Variants in CEP112 observed in about 807,000 individuals in gnomAD.
CEP112 encodes centrosomal protein 112, also known as centrosomal protein of 112 kDa.
Under a neutral mutation model 153.0 loss-of-function variants are expected in CEP112, and 127 were observed. That is an observed-to-expected ratio of 0.83 (90% CI 0.72 to 0.96). The LOEUF is 0.96. Ranked by LOEUF, CEP112 falls within the 40% of genes least tolerant of loss-of-function variation. The probability of loss-of-function intolerance (pLI) is 0.00; values close to 1 mark genes in which losing one functional copy is unlikely to be tolerated. For missense variants in CEP112, 1,089 were observed against 1,101.2 expected, an observed-to-expected ratio of 0.99 and a Z score of 0.16; for synonymous variants, 358 against 374.4, an observed-to-expected ratio of 0.96 and a Z score of 0.51.
chr17:65,763,764 TA>T (rs1567977718), intron 21 of CEP112, among the ~76,000 whole-genome samples: 2 of 152,146 alleles, frequency 1.3e-5, no homozygotes, highest in Non-Finnish European at 2.9e-5. Flanking sequence ...GTAGCTGTTT[TA>T]AATTCCTGGT....
chr17:65,668,929 T>C (rs1050142364), intron 24 of CEP112, among the ~76,000 whole-genome samples: 1 of 152,226 alleles, frequency 6.6e-6, no homozygotes, highest in Non-Finnish European at 1.5e-5. Context: ...GCCCTCCCCA[T>C]CTAATGCCCC....
At chr17:65,738,040 C>T (rs2050904504) in intron 23 of CEP112, among the ~76,000 whole-genome samples, 1 of 152,128 alleles carries the variant, frequency 6.6e-6, no homozygotes, top group Admixed American at 6.5e-5. Flanking sequence ...AACAGAAACA[C>T]CGCACCCATG....
intron 6 of CEP112, among the ~76,000 whole-genome samples, chr17:66,099,434 G>A (rs1198267138): frequency 6.6e-6 from 1 of 150,670 alleles, no homozygotes; most frequent in Admixed American, 6.6e-5. Context: ...AACCCAAGAG[G>A]TGGAGGTTGC....
At chr17:66,142,271 T>C (rs575144423) in intron 4 of CEP112, among the ~76,000 whole-genome samples, 3 of 152,214 alleles carry the variant, frequency 2.0e-5, no homozygotes, top group Admixed American at 6.5e-5. Context: ...TTATTACATA[T>C]GTGGCTTGCA....
chr17:66,122,871 A>G (rs2146469344), intron 6 of CEP112, among the ~76,000 whole-genome samples: 1 of 152,234 alleles, frequency 6.6e-6, no homozygotes, highest in Non-Finnish European at 1.5e-5. Context: ...CCTGTGGTTT[A>G]GCTTACTGCT....
At chr17:65,665,450 C>T (rs1217182282) in intron 24 of CEP112, among the ~76,000 whole-genome samples, 1 of 152,206 alleles carries the variant, frequency 6.6e-6, no homozygotes, top group African/African-American at 2.4e-5. Flanking sequence ...TGCTCTAGGT[C>T]TCTGCTAGAA....
chr17:65,946,904 A>G (rs1319934293), intron 18 of CEP112, among the ~76,000 whole-genome samples: 1 of 152,104 alleles, frequency 6.6e-6, no homozygotes, highest in Non-Finnish European at 1.5e-5. Flanking sequence ...GACCTTGTGC[A>G]TCTTTTGTTA....
chr17:66,006,332 G>A (rs775105323), intron 16 of CEP112, among the ~76,000 whole-genome samples: 76 of 152,248 alleles, frequency 5.0e-4, no homozygotes, highest in Non-Finnish European at 6.5e-4. Flanking sequence ...CTTCGGCTGG[G>A]CACGATGGCT....
At chr17:65,905,691 A>G (rs1422443789) in intron 19 of CEP112, among the ~76,000 whole-genome samples, 3 of 152,174 alleles carry the variant, frequency 2.0e-5, no homozygotes, top group African/African-American at 4.8e-5. Context: ...GCACTTTGGG[A>G]GGCTGAGGCA....
chr17:66,171,888 G>C (rs1286258073), intron 4 of CEP112, among the ~76,000 whole-genome samples: 2 of 152,146 alleles, frequency 1.3e-5, no homozygotes, highest in Non-Finnish European at 2.9e-5. Flanking sequence ...TTTTAAGCAT[G>C]TCCTTTCCAG....
chr17:66,144,333 G>A (rs1389452758), intron 4 of CEP112, among the ~76,000 whole-genome samples: 2 of 152,112 alleles, frequency 1.3e-5, no homozygotes, highest in African/African-American at 4.8e-5. Context: ...GTATGTACAT[G>A]TTTATGTCTC....
intron 23 of CEP112, among the ~76,000 whole-genome samples, chr17:65,716,855 G>A (rs1193677234): frequency 6.6e-6 from 1 of 152,126 alleles, no homozygotes; most frequent in Non-Finnish European, 1.5e-5. Context: ...GGGACAAAGG[G>A]GTTCCAAGGC....
At chr17:66,084,754 A>G (rs534448020) in intron 8 of CEP112, among the ~76,000 whole-genome samples, 43 of 152,278 alleles carry the variant, frequency 2.8e-4, no homozygotes, top group Middle Eastern at 6.8e-3. Flanking sequence ...TTGCTGGAAC[A>G]ATAAGGTGAC....
At chr17:65,870,073 G>GA (rs1280364032) in intron 20 of CEP112, among the ~76,000 whole-genome samples, 2 of 145,236 alleles carry the variant, frequency 1.4e-5, no homozygotes, top group East Asian at 4.0e-4. Context: ...AAGAAAGAAA[G>GA]AAAGAAAGAA....
chr17:65,779,211 C>G (rs961347547), intron 21 of CEP112, among the ~76,000 whole-genome samples: 1 of 152,154 alleles, frequency 6.6e-6, no homozygotes, highest in African/African-American at 2.4e-5. Flanking sequence ...TAAAATCTTA[C>G]TAACTTAGTT....
intron 18 of CEP112, among the ~76,000 whole-genome samples, chr17:65,940,031 TAACTC>T (rs1284899639): frequency 3.3e-5 from 5 of 151,990 alleles, no homozygotes; most frequent in African/African-American, 1.2e-4. Context: ...AGAACACAAA[TAACTC>T]AATAGCAAGA....
At chr17:65,815,162 A>G (rs2056198860) in intron 21 of CEP112, among the ~76,000 whole-genome samples, 1 of 151,712 alleles carries the variant, frequency 6.6e-6, no homozygotes, top group Non-Finnish European at 1.5e-5. Context: ...TGCAGCATTT[A>G]TGTTGAGGTC....
intron 12 of CEP112, among the ~76,000 whole-genome samples, chr17:66,031,486 G>GTTT (rs71160520): frequency 4.7e-5 from 1 of 21,398 alleles, no homozygotes; most frequent in African/African-American, 1.4e-4. Flanking sequence ...TTTTTTTTTT[G>GTTT]TTTTTTTTTT....
intron 21 of CEP112, among the ~76,000 whole-genome samples, chr17:65,761,042 GTATT>G (rs1386228871): frequency 1.3e-5 from 2 of 151,994 alleles, no homozygotes; most frequent in African/African-American, 2.4e-5. Context: ...ATTGATCATA[GTATT>G]TATTTATAAT....
Sources: allele counts gnomAD v4.1 joint callset (sites outside exome capture counted in the v4.1 genomes callset), GRCh38; gene constraint gnomAD v4.1.1; transcripts MANE v1.5; gene names NCBI Gene and HGNC (gene_info 2026-07-23, HGNC 2026-07-21).